The following NCOA2 variants were observed in gnomAD, a reference collection of about 807,000 sequenced individuals.
NCOA2 encodes class E basic helix-loop-helix protein 75.
NCOA2 carries 21 observed loss-of-function variants against 145.1 expected under a neutral mutation model. The observed-to-expected ratio is 0.14, with a 90% CI of 0.10 to 0.21. The LOEUF (loss-of-function observed/expected upper bound fraction) is 0.21, where lower values mean the gene tolerates loss of function less well. Ranked by LOEUF, NCOA2 falls within the 10% of genes least tolerant of loss-of-function variation. NCOA2 has a pLI of 1.00. For synonymous variants in NCOA2, 619 were observed against 637.5 expected (o/e 0.97, Z 0.44); for missense variants, 1,472 against 1,837.6 (o/e 0.80, Z 3.64).
intron 3 of NCOA2, among the ~76,000 whole-genome samples, chr8:70,215,299 G>A (rs1037927900): frequency 6.6e-6 from 1 of 152,108 alleles, no homozygotes; most frequent in Non-Finnish European, 1.5e-5. Flanking sequence ...AAGGGGAGTT[G>A]TGTTCAAAAG....
At chr8:70,435,585 A>G in the NCOA2 span, among the ~76,000 whole-genome samples, 1 of 151,584 alleles carries the variant, frequency 6.6e-6, no homozygotes, top group Non-Finnish European at 1.5e-5. Context: ...TGGGGATAAT[A>G]ATAGTACTGT....
chr8:70,311,264 A>C (rs1805093888), intron 1 of NCOA2, among the ~76,000 whole-genome samples: 1 of 152,210 alleles, frequency 6.6e-6, no homozygotes, highest in African/African-American at 2.4e-5. Context: ...AATATTTTAA[A>C]AGGAATAGGG....
Position 70,128,968 on chromosome 8 carries a change from C to G in NCOA2, c.3337G>C (p.Asp1113His). The change falls in exon 17 of 23, where the codon GAT (aspartate) becomes CAT (histidine). Residue 1113 changes from aspartate (D) to histidine (H), a missense_variant. This residue lies in a region of NCOA2 where 953 missense variants were observed against 1,062.1 expected (regional missense o/e 0.90). Transcript: ENST00000452400. Reference sequence around the variant, plus strand: ...TCCTGACTTGAGAACTGTTCTGGATCTACTGCTTGGCTCTGGAGAGAAAGT... The same window carrying G: ...TCCTGACTTGAGAACTGTTCTGGATGTACTGCTTGGCTCTGGAGAGAAAGT... Reference protein sequence around the residue: ...PELVSQSQAVDPEQFSSQDSN... With the variant: ...PELVSQSQAVHPEQFSSQDSN... The G allele has an allele frequency of 6.2e-7, 1 of 1,602,256 alleles. No individual in the cohort carries two copies. The highest frequency in any genetic ancestry group is 8.5e-7 in the Non-Finnish European group (1 of 1,173,808).
At chr8:70,161,261 G>A (rs1470833174) in intron 9 of NCOA2, among the ~76,000 whole-genome samples, 4 of 152,182 alleles carry the variant, frequency 2.6e-5, no homozygotes, top group Non-Finnish European at 4.4e-5. Flanking sequence ...TAAGGAATCA[G>A]GTTGTCAAAG....
the NCOA2 span, among the ~76,000 whole-genome samples, chr8:70,420,874 A>T: frequency 3.9e-5 from 6 of 151,952 alleles, no homozygotes; most frequent in South Asian, 1.2e-3. Context: ...CGATCTCTTG[A>T]CCTCATGATC....
At chr8:70,148,746 A>G (rs762082778) in intron 11 of NCOA2, among the ~76,000 whole-genome samples, 9 of 152,242 alleles carry the variant, frequency 5.9e-5, no homozygotes, top group Non-Finnish European at 1.3e-4. Flanking sequence ...CTCTTCCAGC[A>G]TTGTGATTTA....
intron 4 of NCOA2, among the ~76,000 whole-genome samples, chr8:70,193,175 ACTAT>A (rs1389637401): frequency 6.6e-6 from 1 of 152,096 alleles, no homozygotes; most frequent in East Asian, 1.9e-4. Flanking sequence ...TTCTAAAAGA[ACTAT>A]CTATCATTAC....
intron 11 of NCOA2, among the ~76,000 whole-genome samples, chr8:70,150,151 G>A (rs942499887): frequency 4.0e-4 from 61 of 152,272 alleles, no homozygotes; most frequent in African/African-American, 1.4e-3. Flanking sequence ...TTTTCCTAAC[G>A]CATTGTTAGA....
At chr8:70,440,563 A>G in the NCOA2 span, among the ~76,000 whole-genome samples, 2 of 151,860 alleles carry the variant, frequency 1.3e-5, no homozygotes, top group Non-Finnish European at 2.9e-5. Context: ...GCAGAGTGAG[A>G]TAAGGGAGAG....
At chr8:70,412,185 G>A in the NCOA2 span, among the ~76,000 whole-genome samples, 2 of 151,974 alleles carry the variant, frequency 1.3e-5, no homozygotes, top group African/African-American at 2.4e-5. Flanking sequence ...TACTCAGGAG[G>A]AGTAGCTTGA....
chr8:70,444,660 C>T, the NCOA2 span, among the ~76,000 whole-genome samples: 1 of 152,126 alleles, frequency 6.6e-6, no homozygotes, highest in African/African-American at 2.4e-5. Flanking sequence ...TTATTTCTTA[C>T]AACTGTATGA....
rs556529900 is a variant in NCOA2 at position 70,128,112 on chromosome 8, A to C, written c.3681+321T>G. Among the ~76,000 whole-genome samples the C allele has an allele frequency of 8.2e-4, 125 of 152,342 alleles. 2 individuals are homozygous for C. Among genetic ancestry groups the C allele is most frequent in the South Asian group, 7.0e-3 (34 of 4,832 alleles). The stretch of plus-strand genomic sequence containing the variant: ...GTTATGTGTTGACTGGATGATGACA[A>C]TGTTGTGACCAGAGGTCTGCAGGAA... On this transcript the variant is annotated intron_variant, in intron 18 of 22. Coordinates refer to ENST00000452400, the MANE Select transcript of NCOA2 (RefSeq NM_006540.4).
intron 1 of NCOA2, among the ~76,000 whole-genome samples, chr8:70,358,841 T>C (rs982210444): frequency 6.6e-6 from 1 of 152,160 alleles, no homozygotes; most frequent in African/African-American, 2.4e-5. Flanking sequence ...TCATAGTTGA[T>C]AAGGGTCTAG....
chr8:70,138,690 T>A (rs1384409268), intron 14 of NCOA2, among the ~76,000 whole-genome samples: 6 of 151,650 alleles, frequency 4.0e-5, no homozygotes, highest in African/African-American at 1.5e-4. Flanking sequence ...AATAAATGAA[T>A]TATATGTTAA....
the NCOA2 span, among the ~76,000 whole-genome samples, chr8:70,442,773 C>T: frequency 6.6e-6 from 1 of 152,156 alleles, no homozygotes; most frequent in East Asian, 1.9e-4. Flanking sequence ...AATAACCACT[C>T]CCCAGGTCGC....
intron 4 of NCOA2, among the ~76,000 whole-genome samples, chr8:70,199,806 T>C (rs1308167256): frequency 6.6e-6 from 1 of 152,194 alleles, no homozygotes; most frequent in East Asian, 1.9e-4. Context: ...ATTACATCCA[T>C]TGACAGCCAA....
At chr8:70,160,944 T>C (rs1446503782) in intron 9 of NCOA2, among the ~76,000 whole-genome samples, 1 of 152,244 alleles carries the variant, frequency 6.6e-6, no homozygotes, top group African/African-American at 2.4e-5. Flanking sequence ...GTAAGACTTA[T>C]ATTTCCAATG....
intron 4 of NCOA2, among the ~76,000 whole-genome samples, chr8:70,182,484 T>C (rs905026678): frequency 4.6e-5 from 7 of 152,326 alleles, no homozygotes; most frequent in Middle Eastern, 3.4e-3. Flanking sequence ...AAAATTAATG[T>C]ACTACAGTTA....
chr8:70,329,184 T>C (rs1806861484), intron 1 of NCOA2, among the ~76,000 whole-genome samples: 1 of 152,102 alleles, frequency 6.6e-6, no homozygotes, highest in Non-Finnish European at 1.5e-5. Flanking sequence ...GCAGTGGTGC[T>C]ATCACAGCTC....
Sources: gnomAD v4.1 joint callset for allele counts (sites outside exome capture counted in the v4.1 genomes callset) on GRCh38, gnomAD v4.1.1 for gene constraint, gnomAD v4.1.1 regional missense constraint, MANE v1.5 for transcripts, NCBI Gene and HGNC (gene_info 2026-07-23, HGNC 2026-07-21) for gene names.